Variants in HTR7 observed in about 807,000 individuals in gnomAD.
HTR7 encodes 5-hydroxytryptamine receptor 7, also known as 5-HT-7.
HTR7 carries 16 observed loss-of-function variants against 34.0 expected under a neutral mutation model. That is an observed-to-expected ratio of 0.47 (90% CI 0.32 to 0.71). The LOEUF (loss-of-function observed/expected upper bound fraction) is 0.71. Ranked by LOEUF, HTR7 falls within the 30% of genes least tolerant of loss-of-function variation. The probability of loss-of-function intolerance (pLI) is 0.04; values close to 1 mark genes in which losing one functional copy is unlikely to be tolerated. For missense variants in HTR7, 504 were observed against 625.5 expected, an observed-to-expected ratio of 0.81 and a Z score of 2.07; for synonymous variants, 265 against 260.2, an observed-to-expected ratio of 1.02 and a Z score of -0.18.
At chr10:90,788,305 T>C (rs1356919161) in intron 1 of HTR7, among the ~76,000 whole-genome samples, 3 of 152,112 alleles carry the variant, frequency 2.0e-5, no homozygotes, top group Non-Finnish European at 4.4e-5. Context: ...AAGCCCAAAA[T>C]AGATCCAGCT....
chr10:90,850,853 A>C (rs1025500478), intron 1 of HTR7, among the ~76,000 whole-genome samples: 1 of 152,230 alleles, frequency 6.6e-6, no homozygotes, highest in East Asian at 1.9e-4. Flanking sequence ...TGTAAAACAT[A>C]AAATGGAAAA....
intron 1 of HTR7, among the ~76,000 whole-genome samples, chr10:90,790,248 T>C (rs1845443224): frequency 6.6e-6 from 1 of 152,210 alleles, no homozygotes; most frequent in Non-Finnish European, 1.5e-5. Context: ...CTTTATCAAA[T>C]TTTAATACAA....
At chr10:90,821,010 G>C (rs1845970082) in intron 1 of HTR7, among the ~76,000 whole-genome samples, 2 of 152,096 alleles carry the variant, frequency 1.3e-5, no homozygotes, top group African/African-American at 4.8e-5. Flanking sequence ...TATCTCATAA[G>C]AAAGTCACAG....
At chr10:90,805,189 G>A (rs1845685793) in intron 1 of HTR7, among the ~76,000 whole-genome samples, 1 of 152,144 alleles carries the variant, frequency 6.6e-6, no homozygotes, top group Non-Finnish European at 1.5e-5. Context: ...TACAGGAAAT[G>A]GTCATTACTA....
At chr10:90,759,586 C>T (rs532406770) in intron 1 of HTR7, among the ~76,000 whole-genome samples, 5 of 138,778 alleles carry the variant, frequency 3.6e-5, no homozygotes, top group South Asian at 2.4e-4. Flanking sequence ...ACCCGGGAAG[C>T]GGAGCTTGCA....
chr10:90,779,348 A>T (rs112653092), intron 1 of HTR7, among the ~76,000 whole-genome samples: 3,769 of 152,292 alleles, frequency 0.025, 69 homozygotes, highest in Admixed American at 0.038. Context: ...ATAAAACCTG[A>T]TGTGATTGTG....
chr10:90,822,085 A>C (rs1845992210), intron 1 of HTR7, among the ~76,000 whole-genome samples: 1 of 152,184 alleles, frequency 6.6e-6, no homozygotes, highest in African/African-American at 2.4e-5. Flanking sequence ...GCATTGCTAT[A>C]AATATACCTG....
chr10:90,842,836 T>C (rs1846350491), intron 1 of HTR7, among the ~76,000 whole-genome samples: 1 of 152,168 alleles, frequency 6.6e-6, no homozygotes, highest in South Asian at 2.1e-4. Flanking sequence ...GCTAAGACCT[T>C]CACATCACTG....
At chr10:90,793,434 A>ATGCCC (rs1165682959) in intron 1 of HTR7, among the ~76,000 whole-genome samples, 5 of 148,478 alleles carry the variant, frequency 3.4e-5, no homozygotes, top group Non-Finnish European at 5.9e-5. Flanking sequence ...GAAATTACTT[A>ATGCCC]TAGTAGTACA....
At chr10:90,756,898 C>T (rs1014172219) in intron 1 of HTR7, among the ~76,000 whole-genome samples, 7 of 151,750 alleles carry the variant, frequency 4.6e-5, no homozygotes, top group African/African-American at 1.7e-4. Context: ...GATTTTTAGA[C>T]AATTATACAA....
At chr10:90,851,142 A>G (rs1359664346) in intron 1 of HTR7, among the ~76,000 whole-genome samples, 2 of 152,230 alleles carry the variant, frequency 1.3e-5, no homozygotes, top group African/African-American at 4.8e-5. Context: ...AAACCCTAAA[A>G]GTCAGGGTAA....
chr10:90,820,192 A>G (rs12259060), intron 1 of HTR7, among the ~76,000 whole-genome samples: 57,264 of 152,062 alleles, frequency 0.38, 11,882 homozygotes, highest in African/African-American at 0.56. Context: ...CTAGTCTGAC[A>G]GTTGAGTCAG....
intron 1 of HTR7, among the ~76,000 whole-genome samples, chr10:90,837,610 C>A (rs1182834813): frequency 6.6e-6 from 1 of 152,178 alleles, no homozygotes; most frequent in East Asian, 1.9e-4. Context: ...GAACACTGTG[C>A]TAAATAAAAT....
chr10:90,856,313 C>A (rs1846580221), intron 1 of HTR7, among the ~76,000 whole-genome samples: 1 of 152,202 alleles, frequency 6.6e-6, no homozygotes, highest in Non-Finnish European at 1.5e-5. Flanking sequence ...CATAATATTT[C>A]AAGGGTCAAA....
intron 1 of HTR7, among the ~76,000 whole-genome samples, chr10:90,776,722 A>G (rs912893123): frequency 3.9e-5 from 6 of 152,180 alleles, no homozygotes; most frequent in African/African-American, 1.4e-4. Flanking sequence ...GAATCCTAAG[A>G]TTCATGTTTT....
chr10:90,845,463 C>T (rs1846401220), intron 1 of HTR7, among the ~76,000 whole-genome samples: 1 of 152,120 alleles, frequency 6.6e-6, no homozygotes. Context: ...AGCTTCCTCA[C>T]CTATAGCATG....
chr10:90,763,159 T>C (rs1316806017), intron 1 of HTR7, among the ~76,000 whole-genome samples: 1 of 152,180 alleles, frequency 6.6e-6, no homozygotes, highest in African/African-American at 2.4e-5. Flanking sequence ...TTGTTTTCTG[T>C]TTCTGTGAAA....
chr10:90,784,035 T>G (rs1485147317), intron 1 of HTR7, among the ~76,000 whole-genome samples: 1 of 152,232 alleles, frequency 6.6e-6, no homozygotes, highest in Non-Finnish European at 1.5e-5. Flanking sequence ...ATTAATTACA[T>G]TCTTACTAAA....
intron 1 of HTR7, among the ~76,000 whole-genome samples, chr10:90,773,884 G>A (rs1845161806): frequency 6.6e-6 from 1 of 152,024 alleles, no homozygotes; most frequent in Non-Finnish European, 1.5e-5. Flanking sequence ...CCAAATCTTG[G>A]TTATTGTGAA....
Sources: gnomAD v4.1 joint callset for allele counts (sites outside exome capture counted in the v4.1 genomes callset) on GRCh38, gnomAD v4.1.1 for gene constraint, MANE v1.5 for transcripts, NCBI Gene and HGNC (gene_info 2026-07-23, HGNC 2026-07-21) for gene names.